Variants in VTI1A observed in about 807,000 individuals in gnomAD.
The protein encoded by VTI1A is vesicle transport through interaction with t-SNAREs homolog 1A.
Under a neutral mutation model 34.9 loss-of-function variants are expected in VTI1A, and 22 were observed. The observed-to-expected ratio is 0.63, with a 90% CI of 0.45 to 0.90. The LOEUF (loss-of-function observed/expected upper bound fraction) is 0.90. VTI1A is among the 40% of genes least tolerant of loss of function. VTI1A has a pLI of 0.00. For missense variants in VTI1A, 268 were observed against 275.6 expected, an observed-to-expected ratio of 0.97 and a Z score of 0.20; for synonymous variants, 87 against 97.3, an observed-to-expected ratio of 0.89 and a Z score of 0.62.
At chr10:112,746,578 G>A (rs1310282665) in intron 7 of VTI1A, among the ~76,000 whole-genome samples, 1 of 152,180 alleles carries the variant, frequency 6.6e-6, no homozygotes, top group Non-Finnish European at 1.5e-5. Context: ...GATAAGGGAA[G>A]TGGCAGAAAC....
At chr10:112,723,154 C>T (rs1849871294) in intron 7 of VTI1A, among the ~76,000 whole-genome samples, 1 of 152,182 alleles carries the variant, frequency 6.6e-6, no homozygotes, top group South Asian at 2.1e-4. Context: ...TAAAACTCTA[C>T]ATATTATGAT....
At chr10:112,679,835 A>G (rs113381344) in intron 7 of VTI1A, among the ~76,000 whole-genome samples, 32 of 151,966 alleles carry the variant, frequency 2.1e-4, no homozygotes, top group African/African-American at 6.0e-4. Context: ...AGGTCCCCCA[A>G]TGCTTTCCTG....
chr10:112,787,130 G>A lies in VTI1A; in HGVS notation c.561-28160G>A, dbSNP rs563135225. Among the ~76,000 whole-genome samples, 8 of 152,194 alleles carry A rather than the reference G, an allele frequency of 5.3e-5. No individual in the cohort carries two copies. The South Asian group carries it at 1.7e-3, about 32-fold the overall frequency. ...TCTATGTTTTCTTGAGTCAGTTTTGGTAATGTGTATATTTCTATGCATTTG... is the reference window on the plus strand; with the variant it reads ...TCTATGTTTTCTTGAGTCAGTTTTGATAATGTGTATATTTCTATGCATTTG... On this transcript the variant is annotated intron_variant, in intron 7 of 7. Coordinates refer to ENST00000393077, the MANE Select transcript of VTI1A (RefSeq NM_145206.4).
At chr10:112,834,785 C>G in the VTI1A span, among the ~76,000 whole-genome samples, 1 of 152,218 alleles carries the variant, frequency 6.6e-6, no homozygotes, top group Non-Finnish European at 1.5e-5. Flanking sequence ...TGCCAGGAGA[C>G]CAGCTCCTGA....
chr10:112,756,522 G>A (rs1851287780), intron 7 of VTI1A, among the ~76,000 whole-genome samples: 1 of 152,086 alleles, frequency 6.6e-6, no homozygotes, highest in African/African-American at 2.4e-5. Context: ...CAGAAAAGCC[G>A]GTCTTTATTA....
chr10:112,772,642 G>GT (rs1190654277), intron 7 of VTI1A, among the ~76,000 whole-genome samples: 21 of 152,180 alleles, frequency 1.4e-4, no homozygotes, highest in Admixed American at 1.4e-3. Context: ...TTATTTATCT[G>GT]TTATCTTCTA....
intron 7 of VTI1A, among the ~76,000 whole-genome samples, chr10:112,765,838 T>C (rs1394701316): frequency 6.6e-6 from 1 of 152,170 alleles, no homozygotes; most frequent in African/African-American, 2.4e-5. Flanking sequence ...ACCCCAGAGT[T>C]TCTGTGTCTA....
At chr10:112,498,918 C>A (rs1022243438) in intron 3 of VTI1A, among the ~76,000 whole-genome samples, 1 of 152,122 alleles carries the variant, frequency 6.6e-6, no homozygotes, top group African/African-American at 2.4e-5. Flanking sequence ...ATTTTCACCA[C>A]TGGGACTGAA....
At chr10:112,841,895 C>T in the VTI1A span, among the ~76,000 whole-genome samples, 576 of 152,270 alleles carry the variant, frequency 3.8e-3, 2 homozygotes, top group African/African-American at 0.013. Flanking sequence ...AGTGGCTTGC[C>T]ACTAGGAATC....
At chr10:112,852,819 G>A in the VTI1A span, among the ~76,000 whole-genome samples, 27 of 152,100 alleles carry the variant, frequency 1.8e-4, no homozygotes, top group African/African-American at 6.3e-4. Flanking sequence ...TTGCTCTGTC[G>A]CCAGGCTGGA....
At chr10:112,601,719 A>G (rs997877362) in intron 5 of VTI1A, among the ~76,000 whole-genome samples, 6 of 152,168 alleles carry the variant, frequency 3.9e-5, no homozygotes, top group African/African-American at 1.4e-4. Flanking sequence ...AGATATTACT[A>G]TTTATTAGTA....
chr10:112,633,280 A>T (rs141003157), intron 5 of VTI1A, among the ~76,000 whole-genome samples: 49 of 152,310 alleles, frequency 3.2e-4, no homozygotes, highest in African/African-American at 1.2e-3. Context: ...TAAGAAGAAG[A>T]TTAGCTCACA....
intron 4 of VTI1A, among the ~76,000 whole-genome samples, chr10:112,530,464 A>C (rs192351420): frequency 6.6e-6 from 1 of 152,338 alleles, no homozygotes; most frequent in East Asian, 1.9e-4. Flanking sequence ...GAATAAAATC[A>C]TAAAGCCTTT....
chr10:112,752,673 G>A (rs1219882607), intron 7 of VTI1A: 1 of 636,822 alleles, frequency 1.6e-6, no homozygotes, highest in Non-Finnish European at 2.0e-6. Context: ...TAGAATAGAT[G>A]TTGCCTCCAC....
intron 5 of VTI1A, among the ~76,000 whole-genome samples, chr10:112,649,169 C>T (rs921269611): frequency 6.6e-6 from 1 of 152,076 alleles, no homozygotes; most frequent in Non-Finnish European, 1.5e-5. Flanking sequence ...ACAGCATTCA[C>T]AGGAGGGAAG....
intron 5 of VTI1A, among the ~76,000 whole-genome samples, chr10:112,551,010 A>G (rs776088408): frequency 9.2e-5 from 14 of 152,124 alleles, no homozygotes; most frequent in South Asian, 2.1e-4. Flanking sequence ...TTGGGAGGCC[A>G]AGGCGGGCGG....
At chr10:112,761,114 A>G (rs1018771877) in intron 7 of VTI1A, among the ~76,000 whole-genome samples, 1 of 152,168 alleles carries the variant, frequency 6.6e-6, no homozygotes, top group Non-Finnish European at 1.5e-5. Context: ...AGGCTCATGC[A>G]TACCATGGAC....
rs189654234 is a variant in VTI1A, at chr10:112,694,092, G to C, written c.560+25094G>C. 3.1e-3 allele frequency among the ~76,000 whole-genome samples: 467 copies of C among 152,218 alleles called. 1 individual carries two copies. The highest frequency in any genetic ancestry group is 0.011 in the African/African-American group (444 of 41,528). ...TTGGTGGCGCGTGCCTGTAATCCCA[G>C]CTACTCGGGAGGCTGAGGCAGAAGA... On this transcript the variant is annotated intron_variant, in intron 7 of 7. Coordinates refer to ENST00000393077, the MANE Select transcript of VTI1A (RefSeq NM_145206.4).
chr10:112,744,325 T>G (rs899217389), intron 7 of VTI1A, among the ~76,000 whole-genome samples: 9 of 152,196 alleles, frequency 5.9e-5, no homozygotes, highest in African/African-American at 1.9e-4. Flanking sequence ...CTGATAAAAG[T>G]TCTGGCTAGA....
Sources: allele counts gnomAD v4.1 joint callset (sites outside exome capture counted in the v4.1 genomes callset), GRCh38; gene constraint gnomAD v4.1.1; transcripts MANE v1.5; gene names NCBI Gene and HGNC (gene_info 2026-07-23, HGNC 2026-07-21).